FERMT2: variants seen among roughly 807,000 people sequenced by gnomAD.
FERMT2 encodes fermitin family homolog 2.
FERMT2 carries 15 observed loss-of-function variants against 82.7 expected under a neutral mutation model. That is an observed-to-expected ratio of 0.18 (90% CI 0.12 to 0.28). The LOEUF (loss-of-function observed/expected upper bound fraction) is 0.28, where lower values mean the gene tolerates loss of function less well. Ranked by LOEUF, FERMT2 falls within the 10% of genes least tolerant of loss-of-function variation. The pLI, the probability that FERMT2 is intolerant of heterozygous loss-of-function variation, is 1.00. For synonymous variants in FERMT2, 274 were observed against 271.5 expected, an observed-to-expected ratio of 1.01 and a Z score of -0.09; for missense variants, 645 against 809.4, an observed-to-expected ratio of 0.80 and a Z score of 2.46.
Position 52,918,158 on chromosome 14 carries a change from T to C in FERMT2, c.391+965A>G, listed in dbSNP as rs17125911. Among the ~76,000 whole-genome samples the C allele has an allele frequency of 6.3e-3, 967 of 152,290 alleles. 15 individuals carry two copies. The highest frequency in any genetic ancestry group is 0.022 in the African/African-American group (926 of 41,562). ...GATCTTAGCCAAAAAGGCCAAGAAG[T>C]AATTGGATGTAAATTAATAGTACGT... On this transcript the variant is annotated intron_variant, in intron 3 of 14. Coordinates refer to ENST00000341590, the MANE Select transcript of FERMT2 (RefSeq NM_006832.3).
intron 2 of FERMT2, among the ~76,000 whole-genome samples, chr14:52,920,933 G>A (rs1292117351): frequency 1.3e-5 from 2 of 151,172 alleles, no homozygotes; most frequent in Non-Finnish European, 2.9e-5. Flanking sequence ...GGGTGACAGA[G>A]CGAGATCCTA....
chr14:52,946,706 T>G (rs1337662487), intron 2 of FERMT2, among the ~76,000 whole-genome samples: 1 of 150,692 alleles, frequency 6.6e-6, no homozygotes, highest in African/African-American at 2.4e-5. Context: ...TGAGGCGGAG[T>G]CTTGCTCTGT....
chr14:52,875,813 CATT>C lies in FERMT2; in HGVS notation c.964-459_964-457del, dbSNP rs771152761. Among the ~76,000 whole-genome samples, 20 of 152,284 alleles carry C rather than the reference CATT, an allele frequency of 1.3e-4. No individual in the cohort carries two copies. The East Asian group carries it at 1.5e-3, about 12-fold the overall frequency. Reference sequence around the variant, plus strand: ...CTCCTATTACCCAGGAGAAAGTCATCATTATTATGTCGAAAGCTAAAACTCCAC... The same window carrying C: ...CTCCTATTACCCAGGAGAAAGTCATCATTATGTCGAAAGCTAAAACTCCAC... On this transcript the variant is annotated intron_variant, in intron 7 of 14. Transcript: ENST00000341590.
intron 4 of FERMT2, among the ~76,000 whole-genome samples, chr14:52,888,561 A>T (rs1886743567): frequency 6.6e-6 from 1 of 152,208 alleles, no homozygotes; most frequent in Admixed American, 6.5e-5. Context: ...TGTAAGATCT[A>T]AGCTGATAAT....
At chr14:52,906,325 CAG>C (rs1192154852) in intron 3 of FERMT2, among the ~76,000 whole-genome samples, 3 of 152,188 alleles carry the variant, frequency 2.0e-5, no homozygotes, top group Non-Finnish European at 4.4e-5. Context: ...AACAGAAAGA[CAG>C]AGTACTGAGA....
chr14:52,863,260 A>T (rs1188993987), intron 12 of FERMT2: 1 of 152,094 alleles, frequency 6.6e-6, no homozygotes, highest in Non-Finnish European at 1.5e-5. Context: ...AATTCTGAAC[A>T]TTTAGGTAGA....
At chr14:52,908,160 G>A (rs1017646746) in intron 3 of FERMT2, among the ~76,000 whole-genome samples, 2 of 152,174 alleles carry the variant, frequency 1.3e-5, no homozygotes, top group Admixed American at 6.5e-5. Context: ...TCTCACACCT[G>A]CTAGAATACC....
At chr14:52,939,984 G>T (rs2139695678) in intron 2 of FERMT2, among the ~76,000 whole-genome samples, 1 of 152,192 alleles carries the variant, frequency 6.6e-6, no homozygotes, top group Admixed American at 6.5e-5. Context: ...TTAAGAAAAA[G>T]ATATCAAAAA....
chr14:52,880,341 CT>C (rs1297275275), intron 6 of FERMT2, among the ~76,000 whole-genome samples: 1 of 152,094 alleles, frequency 6.6e-6, no homozygotes, highest in Non-Finnish European at 1.5e-5. Context: ...CTTTTTGAAA[CT>C]TTTATTTAAA....
rs369811116 is a variant in FERMT2 at position 52,881,505 on chromosome 14, C to T, written c.527-36G>A. ...ACATGAAAAACAGGTAGTAAGTATG[C>T]AGTACAGCATCTTATTTTTCAATAA... On this transcript the variant is annotated intron_variant, in intron 4 of 14. Transcript: ENST00000341590. The T allele has an allele frequency of 2.3e-5, 32 of 1,385,392 alleles. No individual in the cohort carries two copies. The Admixed American group carries it at 3.6e-4, about 16-fold the overall frequency. The allele number at this position is 1,385,392 out of a possible 1,614,324, so 85.8% of individuals were successfully genotyped here.
chr14:52,873,052 T>G, intron 9 of FERMT2, 129 bp from the exon 10 acceptor site: 1 of 842,864 alleles, frequency 1.2e-6, no homozygotes, highest in Non-Finnish European at 1.9e-6. Context: ...TGATCCCCCT[T>G]GGTCAGCGTC....
chr14:52,919,234 G>A lies in FERMT2; in HGVS notation c.280C>T (p.Pro94Ser). 2 of 1,614,026 alleles carry A rather than the reference G, an allele frequency of 1.2e-6. No homozygotes were observed. Among genetic ancestry groups the A allele is most frequent in the Non-Finnish European group, 1.7e-6 (2 of 1,179,972 alleles). Reference protein sequence around the residue: ...IQADAKLQFTPQHKLLRLQLP... With the variant: ...IQADAKLQFTSQHKLLRLQLP... ...TGCAGGCGGAGCAGTTTGTGCTGAG[G>A]GGTGAACTGAAGCTTAGCATCTGCC... Residue 94 changes from proline (P) to serine (S), a missense_variant, in exon 3 of 15, where the codon CCT (proline) becomes TCT (serine). Transcript: ENST00000341590.
chr14:52,948,702 A>C (rs1287003661), intron 2 of FERMT2: 1 of 407,942 alleles, frequency 2.5e-6, no homozygotes, highest in African/African-American at 2.1e-5. Context: ...ATTCTATAAT[A>C]AACAGTCCTA....
At chr14:52,949,825 G>C (rs1566768427) in intron 2 of FERMT2, among the ~76,000 whole-genome samples, 1 of 152,172 alleles carries the variant, frequency 6.6e-6, no homozygotes, top group East Asian at 1.9e-4. Context: ...GGCTTACATC[G>C]AGCATGGACT....
intron 7 of FERMT2, among the ~76,000 whole-genome samples, chr14:52,876,830 T>G (rs1321510282): frequency 6.6e-6 from 1 of 152,196 alleles, no homozygotes; most frequent in African/African-American, 2.4e-5. Flanking sequence ...TTTCACAGTT[T>G]CCTTATTCTG....
intron 13 of FERMT2, 34 bp downstream of exon 13, chr14:52,860,307 T>C (rs1171025221): frequency 6.2e-7 from 1 of 1,605,834 alleles, no homozygotes; most frequent in East Asian, 2.2e-5. Context: ...AAATGCAGAT[T>C]AAGGTTTACA....
intron 2 of FERMT2, among the ~76,000 whole-genome samples, chr14:52,936,023 G>C (rs907349987): frequency 2.0e-5 from 3 of 152,168 alleles, no homozygotes; most frequent in African/African-American, 7.2e-5. Flanking sequence ...AATCCTGAAG[G>C]CTGGCTTATT....
chr14:52,909,284 T>C (rs1416990117), intron 3 of FERMT2, among the ~76,000 whole-genome samples: 1 of 152,148 alleles, frequency 6.6e-6, no homozygotes, highest in Non-Finnish European at 1.5e-5. Context: ...AGATGAGGGC[T>C]ACTCAACCCA....
intron 12 of FERMT2, 99 bp downstream of exon 12, chr14:52,864,302 T>C (rs1885136984): frequency 1.3e-6 from 1 of 765,812 alleles, no homozygotes. Context: ...GATACAAAAT[T>C]AAGACTAAAA....
Sources: gnomAD v4.1 joint callset for allele counts (sites outside exome capture counted in the v4.1 genomes callset) on GRCh38, gnomAD v4.1.1 for gene constraint, MANE v1.5 for transcripts, NCBI Gene and HGNC (gene_info 2026-07-23, HGNC 2026-07-21) for gene names.